Variants in CDH12 observed in about 807,000 individuals in gnomAD.
The protein encoded by CDH12 is cadherin 12, also known as cadherin-12.
CDH12 carries 41 observed loss-of-function variants against 74.1 expected under a neutral mutation model. The observed-to-expected ratio is 0.55, with a 90% CI of 0.43 to 0.72. CDH12 has a LOEUF of 0.72. CDH12 is among the 30% of genes least tolerant of loss of function. The probability of loss-of-function intolerance (pLI) is 0.00; values close to 1 mark genes in which losing one functional copy is unlikely to be tolerated. For synonymous variants in CDH12, 399 were observed against 355.0 expected, an observed-to-expected ratio of 1.12 and a Z score of -1.39; for missense variants, 945 against 977.2, an observed-to-expected ratio of 0.97 and a Z score of 0.44.
chr5:22,366,016 T>C (rs1741016226), intron 3 of CDH12, among the ~76,000 whole-genome samples: 1 of 152,196 alleles, frequency 6.6e-6, no homozygotes, highest in Admixed American at 6.5e-5. Flanking sequence ...TGGAGTACAG[T>C]GGTGCGATCT....
At position 21,751,790 on chromosome 5, in the gene CDH12, A is replaced by C; in HGVS notation, c.2332T>G (p.Leu778Val). The change falls in exon 15 of 15, where the codon TTG becomes GTG. Residue 778 changes from leucine (L) to valine (V), a missense_variant. By Grantham distance (32) the Leu-to-Val change is conservative (BLOSUM62 1). Coordinates refer to ENST00000382254, the MANE Select transcript of CDH12 (RefSeq NM_004061.5). The part of the protein sequence containing the change: ...LTDWGPRFKV[L>V]ADMFGEEESY... ...TCTTCTTCGCCAAACATGTCTGCCAAGACTTTAAAGCGGGGTCCCCAGTCT... is the reference window on the plus strand; with the variant it reads ...TCTTCTTCGCCAAACATGTCTGCCACGACTTTAAAGCGGGGTCCCCAGTCT... The C allele has an allele frequency of 6.2e-7, 1 of 1,614,044 alleles. No homozygotes were observed. Among genetic ancestry groups the C allele is most frequent in the South Asian group, 1.1e-5 (1 of 91,078 alleles).
intron 2 of CDH12, among the ~76,000 whole-genome samples, chr5:22,499,728 A>G (rs931940791): frequency 1.3e-5 from 2 of 152,130 alleles, no homozygotes; most frequent in Non-Finnish European, 2.9e-5. Flanking sequence ...AAGTAGCCCA[A>G]ATTACAGTAT....
chr5:21,841,408 T>A (rs1350078123), intron 8 of CDH12, among the ~76,000 whole-genome samples: 1 of 151,686 alleles, frequency 6.6e-6, no homozygotes, highest in African/African-American at 2.4e-5. Context: ...ACACTGTTGG[T>A]GGGACTGTAA....
chr5:22,781,441 C>G (rs897246713), intron 1 of CDH12, among the ~76,000 whole-genome samples: 1 of 152,126 alleles, frequency 6.6e-6, no homozygotes, highest in East Asian at 1.9e-4. Context: ...TTCTTTCTGT[C>G]TATTTCATTT....
At chr5:22,011,771 A>C (rs571705369) in intron 5 of CDH12, among the ~76,000 whole-genome samples, 3 of 152,218 alleles carry the variant, frequency 2.0e-5, no homozygotes, top group Non-Finnish European at 4.4e-5. Flanking sequence ...TGAAATAAGC[A>C]AATATGCAAA....
intron 1 of CDH12, among the ~76,000 whole-genome samples, chr5:22,673,552 T>A (rs1741013635): frequency 2.0e-5 from 3 of 152,172 alleles, no homozygotes; most frequent in Admixed American, 2.0e-4. Context: ...TTAATTAAAT[T>A]GATTTTACTA....
intron 3 of CDH12, among the ~76,000 whole-genome samples, chr5:22,242,125 C>T (rs562791770): frequency 1.4e-4 from 21 of 152,118 alleles, no homozygotes; most frequent in Non-Finnish European, 2.6e-4. Flanking sequence ...ACTCAGAAGT[C>T]ATACCTCCAG....
At chr5:22,056,884 C>T (rs1432425421) in intron 5 of CDH12, among the ~76,000 whole-genome samples, 1 of 152,070 alleles carries the variant, frequency 6.6e-6, no homozygotes, top group Non-Finnish European at 1.5e-5. Flanking sequence ...AAAGAGCCGA[C>T]AATTCTTCCA....
intron 1 of CDH12, among the ~76,000 whole-genome samples, chr5:22,547,644 T>C (rs534173980): frequency 6.6e-6 from 1 of 152,244 alleles, no homozygotes; most frequent in African/African-American, 2.4e-5. Flanking sequence ...GGGATAAAAA[T>C]AAATAAATGC....
rs369699094 is a variant in CDH12 at position 21,950,757 on chromosome 5, T to TTTTTTTTTA, written c.526+24333_526+24334insTAAAAAAAA. Among the ~76,000 whole-genome samples the TTTTTTTTTA allele has an allele frequency of 3.1e-3, 430 of 136,980 alleles. 2 individuals are homozygous for TTTTTTTTTA. Among genetic ancestry groups the TTTTTTTTTA allele is most frequent in the Non-Finnish European group, 5.1e-3 (327 of 64,264 alleles). The allele number at this position is 136,980 out of a possible 152,430, so 89.9% of individuals were successfully genotyped here. A position where few individuals can be genotyped will look rare whatever the true frequency, so the allele number is the denominator to read the frequency against. ...AATATATCAGCTACATAAATTTTAT[T>TTTTTTTTTA]TTATTATTATTATTATTATTATTAT... On this transcript the variant is annotated intron_variant, in intron 6 of 14. Coordinates refer to ENST00000382254, the MANE Select transcript of CDH12 (RefSeq NM_004061.5).
At position 22,234,521 on chromosome 5, in the gene CDH12, G is replaced by A. The variant is rs112614293; in HGVS notation, c.-332-21878C>T. On this transcript the variant is annotated intron_variant, in intron 3 of 14. Transcript: ENST00000382254. ...GAGGCCTCCCCAGCCATGTGGACCT[G>A]TAAGTCCAATTAAACATCTTTTTCT... Among the ~76,000 whole-genome samples the A allele has an allele frequency of 6.3e-3, 951 of 151,440 alleles. 14 individuals are homozygous for A. In the South Asian group the frequency reaches 0.077, roughly 12 times the overall value.
At chr5:21,761,859 T>G (rs946314173) in intron 12 of CDH12, among the ~76,000 whole-genome samples, 1 of 152,174 alleles carries the variant, frequency 6.6e-6, no homozygotes, top group Non-Finnish European at 1.5e-5. Flanking sequence ...ATTGGTCCTC[T>G]CGTATGAATT....
At chr5:22,792,648 A>G (rs567569999) in intron 1 of CDH12, among the ~76,000 whole-genome samples, 2 of 152,274 alleles carry the variant, frequency 1.3e-5, no homozygotes, top group Non-Finnish European at 2.9e-5. Flanking sequence ...CTGGGTAAAA[A>G]TTGGGTAAAG....
chr5:22,389,880 C>G (rs1004114795), intron 3 of CDH12, among the ~76,000 whole-genome samples: 1 of 151,942 alleles, frequency 6.6e-6, no homozygotes, highest in African/African-American at 2.4e-5. Context: ...GATCTCCTGA[C>G]CTCGTGATCT....
intron 1 of CDH12, among the ~76,000 whole-genome samples, chr5:22,724,167 T>C (rs965416948): frequency 9.2e-5 from 14 of 151,922 alleles, no homozygotes; most frequent in Non-Finnish European, 2.1e-4. Flanking sequence ...ACATACTACT[T>C]CACTTTTTCC....
chr5:22,074,958 G>C (rs1347977610), intron 5 of CDH12, among the ~76,000 whole-genome samples: 1 of 152,032 alleles, frequency 6.6e-6, no homozygotes, highest in Non-Finnish European at 1.5e-5. Flanking sequence ...TCCCATTACT[G>C]GGTATATACC....
chr5:22,322,412 A>C (rs914108766), intron 3 of CDH12, among the ~76,000 whole-genome samples: 3 of 152,076 alleles, frequency 2.0e-5, no homozygotes, highest in Admixed American at 1.3e-4. Context: ...TGTTATTCAC[A>C]AGAGCAAGAA....
intron 4 of CDH12, among the ~76,000 whole-genome samples, chr5:22,098,941 T>G (rs936617030): frequency 1.4e-4 from 21 of 152,130 alleles, no homozygotes; most frequent in African/African-American, 5.1e-4. Flanking sequence ...TAGAAATCTA[T>G]CCTCAAAGAA....
chr5:22,031,592 C>T (rs940003955), intron 5 of CDH12, among the ~76,000 whole-genome samples: 3 of 152,168 alleles, frequency 2.0e-5, no homozygotes, highest in Non-Finnish European at 4.4e-5. Context: ...TCAGCTTAAT[C>T]ATTTCTAGAT....
Sources: allele counts gnomAD v4.1 joint callset (sites outside exome capture counted in the v4.1 genomes callset), GRCh38; gene constraint gnomAD v4.1.1; transcripts MANE v1.5; gene names NCBI Gene and HGNC (gene_info 2026-07-23, HGNC 2026-07-21).